The following TPRG1 variants were observed in gnomAD, a reference collection of about 807,000 sequenced individuals.
TPRG1 encodes the protein tumor protein p63-regulated gene 1 protein.
TPRG1 carries 29 observed loss-of-function variants against 29.3 expected under a neutral mutation model. The observed-to-expected ratio is 0.99, with a 90% CI of 0.74 to 1.35. TPRG1 has a LOEUF of 1.35. TPRG1 is among the 40% of genes most tolerant of loss of function. The pLI is 0.00. For missense variants in TPRG1, 327 were observed against 335.0 expected, an observed-to-expected ratio of 0.98 and a Z score of 0.19; for synonymous variants, 130 against 116.8, an observed-to-expected ratio of 1.11 and a Z score of -0.73.
At chr3:189,122,712 T>G (rs1353628777) in intron 1 of TPRG1, among the ~76,000 whole-genome samples, 1 of 152,230 alleles carries the variant, frequency 6.6e-6, no homozygotes, top group East Asian at 1.9e-4. Context: ...CTGCTGCTAT[T>G]ACTAATGATG....
chr3:189,024,505 G>A (rs1713551201), intron 4 of TPRG1, among the ~76,000 whole-genome samples: 1 of 152,236 alleles, frequency 6.6e-6, no homozygotes, highest in African/African-American at 2.4e-5. Context: ...GTGAGGAGGA[G>A]TGGACTGGGG....
At chr3:189,174,036 T>A (rs1256817210) in intron 1 of TPRG1, among the ~76,000 whole-genome samples, 4 of 152,218 alleles carry the variant, frequency 2.6e-5, no homozygotes, top group Non-Finnish European at 5.9e-5. Context: ...TTCATTTTCT[T>A]CAGCCTGTCT....
At chr3:189,009,432 G>A (rs1466715656) in intron 3 of TPRG1, among the ~76,000 whole-genome samples, 1 of 152,100 alleles carries the variant, frequency 6.6e-6, no homozygotes, top group Admixed American at 6.6e-5. Flanking sequence ...AATGATGCTA[G>A]TTAGGGAAGG....
At chr3:189,275,183 A>G (rs1715917642) in intron 4 of TPRG1, among the ~76,000 whole-genome samples, 1 of 152,144 alleles carries the variant, frequency 6.6e-6, no homozygotes, top group Non-Finnish European at 1.5e-5. Flanking sequence ...GACTTAAACA[A>G]CAAACAGCAT....
At chr3:189,040,818 C>T (rs1042500171) in intron 4 of TPRG1, among the ~76,000 whole-genome samples, 1 of 152,136 alleles carries the variant, frequency 6.6e-6, no homozygotes, top group African/African-American at 2.4e-5. Context: ...GGGACTGAGC[C>T]ACGAGATGAG....
At chr3:189,024,042 T>G (rs957638543) in intron 4 of TPRG1, 7 of 152,264 alleles carry the variant, frequency 4.6e-5, no homozygotes, top group Non-Finnish European at 1.0e-4. Context: ...TGTTGGGGGA[T>G]CCCTTCAGTC....
At chr3:189,099,415 G>A (rs1378238686), upstream of TPRG1, among the ~76,000 whole-genome samples, 1 of 152,138 alleles carries the variant, frequency 6.6e-6, no homozygotes, top group Non-Finnish European at 1.5e-5. Context: ...GGGAAGGGGG[G>A]CAGGCAGGCC....
chr3:188,999,374 C>G (rs939161023), intron 1 of TPRG1, among the ~76,000 whole-genome samples: 1 of 152,066 alleles, frequency 6.6e-6, no homozygotes, highest in African/African-American at 2.4e-5. Flanking sequence ...TCATGGCATG[C>G]CTACAATAAG....
At chr3:189,043,969 T>G (rs1407434226) in intron 4 of TPRG1, among the ~76,000 whole-genome samples, 1 of 152,146 alleles carries the variant, frequency 6.6e-6, no homozygotes, top group Non-Finnish European at 1.5e-5. Context: ...ATAACTTCAT[T>G]TTTTTCATTT....
intron 4 of TPRG1, among the ~76,000 whole-genome samples, chr3:189,297,212 C>G (rs145559542): frequency 6.6e-6 from 1 of 152,122 alleles, no homozygotes; most frequent in African/African-American, 2.4e-5. Context: ...AACTCCTGAC[C>G]TCAAGTGATC....
chr3:189,055,514 AG>A (rs1221913404), intron 4 of TPRG1, among the ~76,000 whole-genome samples: 1 of 152,182 alleles, frequency 6.6e-6, no homozygotes, highest in Non-Finnish European at 1.5e-5. Context: ...ACCAAGGTGC[AG>A]GGGAGCTAGA....
intron 1 of TPRG1, among the ~76,000 whole-genome samples, chr3:189,122,426 A>G (rs1055943460): frequency 2.6e-5 from 4 of 152,216 alleles, no homozygotes; most frequent in African/African-American, 9.6e-5. Context: ...TTTATATTTC[A>G]AAATATAACC....
chr3:189,213,347 G>C (rs1735567183), intron 2 of TPRG1, among the ~76,000 whole-genome samples: 2 of 152,154 alleles, frequency 1.3e-5, no homozygotes, highest in African/African-American at 4.8e-5. Flanking sequence ...CCAGACACAA[G>C]TCAATGTATT....
At chr3:189,049,539 C>A (rs894080264) in intron 4 of TPRG1, among the ~76,000 whole-genome samples, 2 of 152,166 alleles carry the variant, frequency 1.3e-5, no homozygotes, top group Non-Finnish European at 2.9e-5. Context: ...GCCCTGCCCC[C>A]ACCTGACGGT....
At chr3:189,103,977 C>A (rs1424115977) in intron 1 of TPRG1, among the ~76,000 whole-genome samples, 4 of 152,062 alleles carry the variant, frequency 2.6e-5, no homozygotes, top group African/African-American at 9.7e-5. Context: ...AGTCAGTTTA[C>A]CATTGATGTG....
At chr3:189,306,106 T>G (rs775003643) in intron 4 of TPRG1, among the ~76,000 whole-genome samples, 18 of 152,150 alleles carry the variant, frequency 1.2e-4, no homozygotes, top group Non-Finnish European at 2.2e-4. Flanking sequence ...GCTTACAGAG[T>G]TCAGGCACTG....
At chr3:189,082,099 G>A (rs965654429) in intron 4 of TPRG1, among the ~76,000 whole-genome samples, 1 of 152,144 alleles carries the variant, frequency 6.6e-6, no homozygotes, top group African/African-American at 2.4e-5. Flanking sequence ...TTGCTGAGGT[G>A]GAAACTATCA....
At chr3:189,260,715 T>A (rs1236060471) in intron 4 of TPRG1, among the ~76,000 whole-genome samples, 3 of 152,210 alleles carry the variant, frequency 2.0e-5, no homozygotes, top group Non-Finnish European at 4.4e-5. Context: ...AGAAGCCAGG[T>A]CCAGGAAACT....
chr3:189,149,406 A>G (rs1725660202), intron 4 of TPRG1, among the ~76,000 whole-genome samples: 1 of 152,206 alleles, frequency 6.6e-6, no homozygotes, highest in Non-Finnish European at 1.5e-5. Context: ...GCACTCTGAG[A>G]AAGCATTCAA....
Sources: allele counts gnomAD v4.1 joint callset (sites outside exome capture counted in the v4.1 genomes callset), GRCh38; gene constraint gnomAD v4.1.1; transcripts MANE v1.5; gene names NCBI Gene and HGNC (gene_info 2026-07-23, HGNC 2026-07-21).